Variants in FAM78B observed in about 807,000 individuals in gnomAD.
The protein encoded by FAM78B is family with sequence similarity 78 member B.
A neutral mutation model predicts 20.0 loss-of-function variants in FAM78B; 10 were observed. The observed-to-expected ratio is 0.50, with a 90% confidence interval of 0.31 to 0.85. FAM78B has a LOEUF of 0.85. FAM78B is among the 40% of genes least tolerant of loss of function. FAM78B has a pLI of 0.05. For missense variants in FAM78B, 283 were observed against 345.0 expected (o/e 0.82, Z 1.42); for synonymous variants, 135 against 132.8 (o/e 1.02, Z -0.12).
intron 1 of FAM78B, among the ~76,000 whole-genome samples, chr1:166,139,219 C>T (rs981286907): frequency 1.3e-5 from 2 of 152,042 alleles, no homozygotes; most frequent in Non-Finnish European, 2.9e-5. Flanking sequence ...GGAGATGAGC[C>T]AACATAAGAA....
intron 1 of FAM78B, among the ~76,000 whole-genome samples, chr1:166,144,318 G>A (rs1332190056): frequency 1.3e-5 from 2 of 152,072 alleles, no homozygotes; most frequent in African/African-American, 2.4e-5. Context: ...AAATGGGCCC[G>A]ATTTTCCTTA....
chr1:166,161,124 C>G (rs1274160438), intron 1 of FAM78B, among the ~76,000 whole-genome samples: 1 of 151,800 alleles, frequency 6.6e-6, no homozygotes, highest in Admixed American at 6.6e-5. Context: ...GGCTTAAGAA[C>G]AGAAAATCAG....
chr1:166,072,270 G>A (rs1161476477), intron 1 of FAM78B, among the ~76,000 whole-genome samples: 1 of 152,164 alleles, frequency 6.6e-6, no homozygotes, highest in East Asian at 1.9e-4. Context: ...TCCTAGGCCA[G>A]TCAGCCCCAG....
chr1:166,156,947 C>T (rs1655919759), intron 1 of FAM78B, among the ~76,000 whole-genome samples: 2 of 147,616 alleles, frequency 1.4e-5, no homozygotes, highest in South Asian at 4.2e-4. Context: ...TTAGGAGCAG[C>T]CAGGGTCCTG....
At chr1:166,151,990 T>G (rs1655692340) in intron 1 of FAM78B, among the ~76,000 whole-genome samples, 1 of 152,228 alleles carries the variant, frequency 6.6e-6, no homozygotes, top group African/African-American at 2.4e-5. Context: ...ACTTTTCAAT[T>G]GTGATTACGC....
chr1:166,069,062 A>T (rs1392755648), downstream of FAM78B, among the ~76,000 whole-genome samples: 1 of 152,232 alleles, frequency 6.6e-6, no homozygotes, highest in African/African-American at 2.4e-5. Flanking sequence ...CTTAGGAAGT[A>T]GTTTCTCACA....
intron 1 of FAM78B, among the ~76,000 whole-genome samples, chr1:166,152,487 T>G (rs564400031): frequency 5.1e-4 from 77 of 152,232 alleles, no homozygotes; most frequent in Non-Finnish European, 9.3e-4. Context: ...TTAAGATGCT[T>G]GCCCAGAGGA....
chr1:166,067,182 T>C (rs921662156), downstream of FAM78B, among the ~76,000 whole-genome samples: 4 of 152,118 alleles, frequency 2.6e-5, no homozygotes, highest in African/African-American at 9.7e-5. Context: ...AGCTAAGTGT[T>C]ACCATGTTGT....
intron 1 of FAM78B, among the ~76,000 whole-genome samples, chr1:166,072,115 C>A (rs1279333810): frequency 6.6e-6 from 1 of 152,208 alleles, no homozygotes; most frequent in Non-Finnish European, 1.5e-5. Context: ...TATGAGGTGA[C>A]AGAAGATCCT....
chr1:166,068,711 T>A (rs1433578656), downstream of FAM78B, among the ~76,000 whole-genome samples: 1 of 152,236 alleles, frequency 6.6e-6, no homozygotes, highest in Non-Finnish European at 1.5e-5. Context: ...AAGCTAGCAG[T>A]GTCTACTTCT....
chr1:166,106,381 C>A (rs1653787194), intron 1 of FAM78B, among the ~76,000 whole-genome samples: 1 of 151,076 alleles, frequency 6.6e-6, no homozygotes, highest in Non-Finnish European at 1.5e-5. Flanking sequence ...ACACATACAC[C>A]ATGGAATACT....
At chr1:166,081,601 T>TGGG (rs1652579817) in intron 1 of FAM78B, among the ~76,000 whole-genome samples, 1 of 152,148 alleles carries the variant, frequency 6.6e-6, no homozygotes, top group Admixed American at 6.5e-5. Flanking sequence ...CCCTTTTGGC[T>TGGG]CCTTACCAGT....
intron 1 of FAM78B, among the ~76,000 whole-genome samples, chr1:166,118,556 A>T (rs1434370961): frequency 6.6e-6 from 1 of 152,172 alleles, no homozygotes; most frequent in African/African-American, 2.4e-5. Context: ...ATATTAATAA[A>T]TGAAGTTTTA....
At chr1:166,093,683 G>T (rs1653163679) in intron 1 of FAM78B, among the ~76,000 whole-genome samples, 2 of 151,730 alleles carry the variant, frequency 1.3e-5, no homozygotes, top group African/African-American at 4.8e-5. Context: ...CAGAATAAAA[G>T]AATTCTGATC....
intron 1 of FAM78B, among the ~76,000 whole-genome samples, chr1:166,086,885 G>A (rs1239382698): frequency 6.6e-6 from 1 of 152,172 alleles, no homozygotes; most frequent in African/African-American, 2.4e-5. Context: ...TAGAGGGGCA[G>A]AGAGACTGCA....
intron 1 of FAM78B, among the ~76,000 whole-genome samples, chr1:166,102,099 C>T (rs532774653): frequency 6.3e-4 from 96 of 152,240 alleles, no homozygotes; most frequent in African/African-American, 2.2e-3. Context: ...ATTTCATATC[C>T]AGCCAAACTA....
intron 1 of FAM78B, among the ~76,000 whole-genome samples, chr1:166,129,158 G>A (rs113480324): frequency 0.017 from 2,545 of 152,270 alleles, 77 homozygotes; most frequent in African/African-American, 0.058. Context: ...CCAATTCAGT[G>A]CCCAGAGCCC....
intron 1 of FAM78B, among the ~76,000 whole-genome samples, chr1:166,083,799 C>CTTT (rs33994343): frequency 2.2e-5 from 2 of 92,340 alleles, no homozygotes; most frequent in Non-Finnish European, 4.2e-5. Context: ...ACGCACCCAG[C>CTTT]TTTTTTTTTT....
At chr1:166,077,751 TTACA>T (rs1392135372) in intron 1 of FAM78B, among the ~76,000 whole-genome samples, 1 of 138,548 alleles carries the variant, frequency 7.2e-6, no homozygotes, top group Non-Finnish European at 1.5e-5. Flanking sequence ...ATACATATAA[TTACA>T]TATATTTATA....
Sources: allele counts gnomAD v4.1 joint callset (sites outside exome capture counted in the v4.1 genomes callset), GRCh38; gene constraint gnomAD v4.1.1; transcripts MANE v1.5; gene names NCBI Gene and HGNC (gene_info 2026-07-23, HGNC 2026-07-21).